LAMA3: variants seen among roughly 807,000 people sequenced by gnomAD.
The protein encoded by LAMA3 is laminin subunit alpha-3.
Under a neutral mutation model 402.0 loss-of-function variants are expected in LAMA3, and 281 were observed. The observed-to-expected ratio is 0.70, with a 90% confidence interval of 0.63 to 0.77. LAMA3 has a LOEUF of 0.77. LAMA3 is among the 30% of genes least tolerant of loss of function. The pLI, the probability that LAMA3 is intolerant of heterozygous loss-of-function variation, is 0.00. For synonymous variants in LAMA3, 1,431 were observed against 1,558.4 expected (o/e 0.92, Z 1.93); for missense variants, 3,840 against 4,215.5 (o/e 0.91, Z 2.47).
At chr18:23,887,776 A>G (rs1002104129) in intron 41 of LAMA3, among the ~76,000 whole-genome samples, 4 of 152,210 alleles carry the variant, frequency 2.6e-5, no homozygotes, top group Admixed American at 6.5e-5. Context: ...CAGCCCATGC[A>G]TGCTCTTACC....
rs562468179 is a variant in LAMA3 at position 23,749,620 on chromosome 18, C to T, written c.684+74C>T. ...GAGGATATCCAATTTTTCATAATTGCGAAACTTGCACTTTCAAGGACATCT... is the reference window on the plus strand; with the variant it reads ...GAGGATATCCAATTTTTCATAATTGTGAAACTTGCACTTTCAAGGACATCT... On this transcript the variant is annotated intron_variant, in intron 4 of 74. Transcript: ENST00000313654. 6.2e-5 allele frequency: 57 copies of T among 916,682 alleles called. 1 individual carries two copies. The highest frequency in any genetic ancestry group is 4.1e-4 in the African/African-American group (25 of 61,488). The allele number at this position is 916,682 out of a possible 1,614,324, so 56.8% of individuals were successfully genotyped here.
chr18:23,874,362 A>T (rs907513312), intron 38 of LAMA3, among the ~76,000 whole-genome samples: 1 of 152,214 alleles, frequency 6.6e-6, no homozygotes, highest in Middle Eastern at 3.2e-3. Context: ...TGTAAATCTC[A>T]ATTGTGCTTT....
intron 67 of LAMA3, among the ~76,000 whole-genome samples, chr18:23,937,532 C>T (rs867216360): frequency 1.3e-5 from 2 of 152,066 alleles, no homozygotes; most frequent in African/African-American, 4.8e-5. Context: ...AGGCGGGTGT[C>T]CATGAGGACC....
chr18:23,866,434 T>C (rs1032242418), intron 36 of LAMA3, among the ~76,000 whole-genome samples: 3 of 152,256 alleles, frequency 2.0e-5, no homozygotes, highest in South Asian at 2.1e-4. Flanking sequence ...CTGTGTTGCT[T>C]TGTTTTTACT....
intron 24 of LAMA3, among the ~76,000 whole-genome samples, chr18:23,835,351 A>G (rs979145536): frequency 4.6e-5 from 7 of 152,212 alleles, no homozygotes; most frequent in Non-Finnish European, 1.0e-4. Flanking sequence ...GAATCATCTC[A>G]GAAGAGCTCT....
rs148914879 is a variant in LAMA3, at chr18:23,763,587, G to A, written c.1182+64G>A. 83 of 994,652 alleles carry A rather than the reference G, an allele frequency of 8.3e-5. No homozygotes were observed. The African/African-American group carries it at 1.0e-3, about 12-fold the overall frequency. The allele number at this position is 994,652 out of a possible 1,614,324, so 61.6% of individuals were successfully genotyped here. ...GGGGAATGAGTATTCAGTAAGCTCT[G>A]CTCCTGAAGAGATGTCAAGAAAGTG... On this transcript the variant is annotated intron_variant, in intron 8 of 74. Coordinates refer to ENST00000313654, the MANE Select transcript of LAMA3 (RefSeq NM_198129.4).
At chr18:23,797,293 G>A (rs1568194265) in intron 12 of LAMA3, among the ~76,000 whole-genome samples, 1 of 151,580 alleles carries the variant, frequency 6.6e-6, no homozygotes, top group Non-Finnish European at 1.5e-5. Flanking sequence ...TTTTTTTAGA[G>A]GGAATTGATT....
chr18:23,924,722 T>C (rs1310977412), intron 62 of LAMA3, among the ~76,000 whole-genome samples: 2 of 151,916 alleles, frequency 1.3e-5, no homozygotes, highest in Admixed American at 1.3e-4. Flanking sequence ...TTTGTGTTTT[T>C]AGTAGAGACG....
At chr18:23,790,304 T>C (rs972444560) in intron 12 of LAMA3, among the ~76,000 whole-genome samples, 4 of 152,180 alleles carry the variant, frequency 2.6e-5, no homozygotes, top group African/African-American at 9.7e-5. Flanking sequence ...TACAATGAAA[T>C]AGGATAGACT....
rs1345045963 is a variant in LAMA3, at chr18:23,954,554, T to A, written c.9908T>A (p.Leu3303Gln). ...GTGTGGAAATCATTCTTTGGCTGTC[T>A]GAGGAATATTCATGTCAATCACATC... ...IPVWKSFFGCLRNIHVNHIPV... is the reference protein window; with the variant it reads ...IPVWKSFFGCQRNIHVNHIPV... The change falls in exon 75 of 75, where the codon CTG (leucine) becomes CAG (glutamine). Residue 3303 changes from leucine (L) to glutamine (Q), a missense_variant. Physicochemically the swap from Leu to Gln is moderately radical, Grantham distance 113. Around this residue, in one of 3 missense-constraint regions of LAMA3, gnomAD observed 840 missense variants for 981.9 expected, o/e 0.86. Transcript: ENST00000313654. The A allele has an allele frequency of 6.2e-7, 1 of 1,614,028 alleles. No homozygotes were observed. The highest frequency in any genetic ancestry group is 1.1e-5 in the South Asian group (1 of 91,080).
At chr18:23,863,009 GAGAGAGAGAGAA>G (rs953507649) in intron 35 of LAMA3, among the ~76,000 whole-genome samples, 1 of 152,126 alleles carries the variant, frequency 6.6e-6, no homozygotes, top group African/African-American at 2.4e-5. Flanking sequence ...GGGGGAGAGA[GAGAGAGAGAGAA>G]AGAGAGAGAG....
In LAMA3 at chr18:23,847,473, G is replaced by A; in HGVS notation, c.3941G>A (p.Cys1314Tyr). The A allele has an allele frequency of 1.2e-6, 2 of 1,612,314 alleles. No homozygotes were observed. The highest frequency in any genetic ancestry group is 8.5e-7 in the Non-Finnish European group (1 of 1,180,024). The change falls in exon 32 of 75, where the codon TGT becomes TAT. Residue 1314 changes from cysteine to tyrosine, a missense_variant. Cys to Tyr is a radical substitution (Grantham distance 194, BLOSUM62 -2). Transcript: ENST00000313654. ...YGFPRCKPCS[C>Y]GRRLCEEMTG... ...TTTATCCCCTGGCCAGCGTGCAGCT[G>A]TGGTCGGCGCCTTTGTGAAGAGATG...
At chr18:23,836,825 C>G (rs931787728) in intron 24 of LAMA3, among the ~76,000 whole-genome samples, 156 bp from the exon 25 acceptor site, 5 of 152,234 alleles carry the variant, frequency 3.3e-5, no homozygotes, top group Admixed American at 2.6e-4. Flanking sequence ...AGACTGCGAG[C>G]TGCATCCTTC....
chr18:23,952,099 A>G (rs1380492490), intron 73 of LAMA3, among the ~76,000 whole-genome samples: 1 of 152,224 alleles, frequency 6.6e-6, no homozygotes, highest in Non-Finnish European at 1.5e-5. Context: ...TGAAGTTAGA[A>G]CAGAGGTCAA....
At position 23,871,630 on chromosome 18, in the gene LAMA3, GC is replaced by G. The variant is rs759440110; in HGVS notation, c.4973del (p.Pro1658LeufsTer91). The G allele has an allele frequency of 1.9e-6, 3 of 1,611,980 alleles. No homozygotes were observed. The highest frequency in any genetic ancestry group is 1.7e-6 in the Non-Finnish European group (2 of 1,178,998). ...GCACTTGCTGTGGAAATCTGTGCCT[GC>G]CCCCCTGCCTACGCTGGTGACTCTT... ...RIALAVEICA[C>X]PPAYAGDSCQ... On this transcript the variant is annotated frameshift_variant, in exon 38 of 75. Transcript: ENST00000313654. LOFTEE classifies it high-confidence loss of function.
At chr18:23,860,724 C>T (rs1298077770) in intron 34 of LAMA3, among the ~76,000 whole-genome samples, 8 of 136,372 alleles carry the variant, frequency 5.9e-5, no homozygotes, top group East Asian at 2.1e-4. Context: ...GATGGAGTGT[C>T]GCTCTGTCAC....
intron 31 of LAMA3, 103 bp downstream of exon 31, chr18:23,846,611 G>A: frequency 2.9e-6 from 3 of 1,041,082 alleles, no homozygotes; most frequent in Non-Finnish European, 4.3e-6. Context: ...AGACTCACCT[G>A]GAGATCTGGA....
At chr18:23,710,148 G>A in intron 1 of LAMA3, 2 of 692,300 alleles carry the variant, frequency 2.9e-6, no homozygotes, top group Non-Finnish European at 5.3e-6. Flanking sequence ...GTCGTGGGCC[G>A]CCGGAAGGTG....
At chr18:23,702,334 C>T (rs1014510699) in intron 1 of LAMA3, among the ~76,000 whole-genome samples, 2 of 152,118 alleles carry the variant, frequency 1.3e-5, no homozygotes, top group Non-Finnish European at 2.9e-5. Context: ...CTTCTTTCTT[C>T]TTTTTCTAAT....
Sources: gnomAD v4.1 joint callset for allele counts (sites outside exome capture counted in the v4.1 genomes callset) on GRCh38, gnomAD v4.1.1 for gene constraint, gnomAD v4.1.1 regional missense constraint, MANE v1.5 for transcripts, NCBI Gene and HGNC (gene_info 2026-07-23, HGNC 2026-07-21) for gene names.